CFAP54: variants seen among roughly 807,000 people sequenced by gnomAD.
CFAP54 encodes cilia and flagella associated protein 54.
A neutral mutation model predicts 370.4 loss-of-function variants in CFAP54; 290 were observed. The observed-to-expected ratio is 0.78, with a 90% CI of 0.71 to 0.86. The LOEUF (loss-of-function observed/expected upper bound fraction) is 0.86. Among genes scored for constraint, CFAP54 ranks in the 40% least tolerant of loss-of-function variants. CFAP54 has a pLI of 0.00. For synonymous variants in CFAP54, 1,206 were observed against 1,236.5 expected, an observed-to-expected ratio of 0.98 and a Z score of 0.52; for missense variants, 3,399 against 3,528.7, an observed-to-expected ratio of 0.96 and a Z score of 0.93.
At chr12:96,578,113 A>AT (rs1172417552) in intron 20 of CFAP54, among the ~76,000 whole-genome samples, 2 of 152,128 alleles carry the variant, frequency 1.3e-5, no homozygotes, top group African/African-American at 2.4e-5. Flanking sequence ...ATTTGGTAAT[A>AT]TTTTTTGTGG....
chr12:96,650,348 G>A (rs1956845223), intron 35 of CFAP54, among the ~76,000 whole-genome samples: 1 of 152,022 alleles, frequency 6.6e-6, no homozygotes, highest in African/African-American at 2.4e-5. Context: ...CCCTGTTCAT[G>A]CAGTTCCTAT....
At chr12:96,843,576 C>T (rs1016063798) in intron 66 of CFAP54, among the ~76,000 whole-genome samples, 1 of 152,164 alleles carries the variant, frequency 6.6e-6, no homozygotes, top group Non-Finnish European at 1.5e-5. Flanking sequence ...TTGTTTCTTT[C>T]TCATGCAAAG....
At chr12:96,811,229 C>A (rs1241208779) in intron 63 of CFAP54, among the ~76,000 whole-genome samples, 1 of 152,174 alleles carries the variant, frequency 6.6e-6, no homozygotes, top group Non-Finnish European at 1.5e-5. Context: ...AGAATCCAAA[C>A]AACAGGGAAA....
intron 1 of CFAP54, among the ~76,000 whole-genome samples, chr12:96,499,089 C>T (rs939809419): frequency 1.3e-5 from 2 of 152,132 alleles, no homozygotes; most frequent in African/African-American, 2.4e-5. Flanking sequence ...AATGATTCTC[C>T]TCCTGAGTAG....
intron 49 of CFAP54, among the ~76,000 whole-genome samples, chr12:96,718,907 G>T (rs572349492): frequency 6.6e-6 from 1 of 152,068 alleles, no homozygotes; most frequent in Non-Finnish European, 1.5e-5. Context: ...GTGTGATGGC[G>T]CATGCCTGTA....
At chr12:96,655,722 A>C (rs1314503501) in intron 36 of CFAP54, among the ~76,000 whole-genome samples, 1 of 152,300 alleles carries the variant, frequency 6.6e-6, no homozygotes, top group South Asian at 2.1e-4. Flanking sequence ...AAATTAAAAA[A>C]GACAAGAGAC....
In CFAP54 at chr12:96,805,585, AC is replaced by A. The variant is rs552032061; in HGVS notation, c.8851-6149del. ...TTATTAAAAAGTCAAAAAAAAAAAAACCAGATATTGGCAAGAATGTGGAGAA... is the reference window on the plus strand; with the variant it reads ...TTATTAAAAAGTCAAAAAAAAAAAAACAGATATTGGCAAGAATGTGGAGAA... On this transcript the variant is annotated intron_variant, in intron 63 of 67. Transcript: ENST00000524981. Among the ~76,000 whole-genome samples the A allele has an allele frequency of 4.6e-3, 695 of 151,226 alleles. 3 individuals carry two copies. The highest frequency in any genetic ancestry group is 0.016 in the African/African-American group (666 of 41,076).
intron 66 of CFAP54, among the ~76,000 whole-genome samples, chr12:96,848,566 A>C (rs1164260207): frequency 1.3e-5 from 2 of 151,986 alleles, no homozygotes; most frequent in Non-Finnish European, 2.9e-5. Flanking sequence ...GTGTGGTGGC[A>C]TGTGCCTGTA....
intron 67 of CFAP54, among the ~76,000 whole-genome samples, chr12:96,862,590 A>T (rs1269957869): frequency 1.3e-5 from 2 of 152,216 alleles, no homozygotes; most frequent in African/African-American, 4.8e-5. Context: ...ATATAATGAA[A>T]GGGAAAGAAA....
intron 26 of CFAP54, among the ~76,000 whole-genome samples, chr12:96,615,022 A>G (rs12318783): frequency 0.4 from 60,518 of 151,914 alleles, 12,948 homozygotes; most frequent in Admixed American, 0.49. Flanking sequence ...TTTAAAGTTC[A>G]TATGGAACCA....
In CFAP54 at chr12:96,844,316, G is replaced by A. The variant is rs148224323; in HGVS notation, c.9171+15228G>A. ...GAGATTTGACACCAGAAGAGGAGACGGCCATGTGATGACGGAAGCAGAGAC... is the reference window on the plus strand; with the variant it reads ...GAGATTTGACACCAGAAGAGGAGACAGCCATGTGATGACGGAAGCAGAGAC... On this transcript the variant is annotated intron_variant, in intron 66 of 67. Transcript: ENST00000524981. Among the ~76,000 whole-genome samples, 10 of 152,200 alleles carry A rather than the reference G, an allele frequency of 6.6e-5. No individual in the cohort carries two copies. The East Asian group carries it at 1.4e-3, about 21-fold the overall frequency.
Position 96,508,389 on chromosome 12 carries a change from G to A in CFAP54, c.739+1290G>A, listed in dbSNP as rs539589448. Among the ~76,000 whole-genome samples, 497 of 150,306 alleles carry A rather than the reference G, an allele frequency of 3.3e-3. 5 individuals carry two copies. Among genetic ancestry groups the A allele is most frequent in the African/African-American group, 0.011 (469 of 40,842 alleles). The stretch of plus-strand genomic sequence containing the variant: ...CAACCTCCACCTCCTGGGTTCAAAC[G>A]ATTCTCCTGCCTCAGCCTCCCGAGT... On this transcript the variant is annotated intron_variant, in intron 4 of 67. Coordinates refer to ENST00000524981, the MANE Select transcript of CFAP54 (RefSeq NM_001306084.2).
At chr12:96,767,379 A>C (rs1002812202) in intron 60 of CFAP54, among the ~76,000 whole-genome samples, 9 of 152,226 alleles carry the variant, frequency 5.9e-5, no homozygotes, top group South Asian at 2.1e-4. Context: ...TTGTTGATCC[A>C]GTTGAGTAGG....
At chr12:96,663,726 T>A in intron 38 of CFAP54, 104 bp from the exon 39 acceptor site, 6 of 745,660 alleles carry the variant, frequency 8.0e-6, no homozygotes, top group Non-Finnish European at 1.3e-5. Flanking sequence ...TTGTTATGTA[T>A]CTCTTTATTC....
intron 15 of CFAP54, among the ~76,000 whole-genome samples, chr12:96,552,402 G>A (rs1260981982): frequency 6.6e-6 from 1 of 151,806 alleles, no homozygotes; most frequent in African/African-American, 2.4e-5. Flanking sequence ...GGAGTGCAGT[G>A]GCATGATCAG....
chr12:96,553,486 T>TTA (rs1010501684), intron 15 of CFAP54, among the ~76,000 whole-genome samples: 15 of 88,088 alleles, frequency 1.7e-4, no homozygotes, highest in East Asian at 7.1e-4. Flanking sequence ...ATATATATAG[T>TTA]TATATATATA....
At chr12:96,632,427 A>G (rs1222076110) in intron 32 of CFAP54, among the ~76,000 whole-genome samples, 1 of 151,966 alleles carries the variant, frequency 6.6e-6, no homozygotes, top group African/African-American at 2.4e-5. Flanking sequence ...GTTTTTGCGT[A>G]TGGTGAGAAG....
At chr12:96,641,942 G>C (rs112808499) in intron 32 of CFAP54, among the ~76,000 whole-genome samples, 15 of 148,724 alleles carry the variant, frequency 1.0e-4, no homozygotes, top group East Asian at 2.1e-4. Context: ...GTGGTGCGGG[G>C]GGGGAGGGAT....
intron 66 of CFAP54, among the ~76,000 whole-genome samples, chr12:96,853,272 A>G (rs983073933): frequency 3.3e-5 from 5 of 152,180 alleles, no homozygotes; most frequent in Middle Eastern, 3.2e-3. Context: ...GCTTCATTCA[A>G]CAACATGGAT....
Sources: gnomAD v4.1 joint callset for allele counts (sites outside exome capture counted in the v4.1 genomes callset) on GRCh38, gnomAD v4.1.1 for gene constraint, MANE v1.5 for transcripts, NCBI Gene and HGNC (gene_info 2026-07-23, HGNC 2026-07-21) for gene names.